RELL1: variants seen among roughly 807,000 people sequenced by gnomAD.
RELL1 encodes RELT like 1, also known as RELT-like protein 1.
Under a neutral mutation model 23.0 loss-of-function variants are expected in RELL1, and 10 were observed. The ratio of observed to expected loss-of-function variants is 0.43; its 90% CI spans 0.27 to 0.74. RELL1 has a LOEUF of 0.74. RELL1 is among the 30% of genes least tolerant of loss of function. The pLI is 0.19. For missense variants in RELL1, 315 were observed against 364.4 expected (o/e 0.86, Z 1.10); for synonymous variants, 146 against 146.8 (o/e 0.99, Z 0.04).
chr4:37,586,859 G>A (rs896682574), downstream of RELL1, among the ~76,000 whole-genome samples: 12 of 152,264 alleles, frequency 7.9e-5, no homozygotes, highest in African/African-American at 2.6e-4. Flanking sequence ...GCAGCGAGCC[G>A]AGATTGTGCC....
intron 3 of RELL1, among the ~76,000 whole-genome samples, chr4:37,645,466 G>A (rs750055234): frequency 9.2e-5 from 14 of 152,172 alleles, no homozygotes; most frequent in Admixed American, 2.0e-4. Flanking sequence ...GTGCCCTGAA[G>A]GAAGGTCTCT....
At chr4:37,685,501 G>T (rs1352828559) in intron 1 of RELL1, among the ~76,000 whole-genome samples, 1 of 152,144 alleles carries the variant, frequency 6.6e-6, no homozygotes, top group Non-Finnish European at 1.5e-5. Context: ...CTTCATCGTT[G>T]GTGACACTTT....
At chr4:37,653,945 T>C (rs1721037057) in intron 1 of RELL1, among the ~76,000 whole-genome samples, 1 of 152,226 alleles carries the variant, frequency 6.6e-6, no homozygotes, top group Admixed American at 6.5e-5. Flanking sequence ...CTGTCTCTGA[T>C]GAACCCTGCC....
chr4:37,668,228 C>T (rs1721607370), intron 1 of RELL1, among the ~76,000 whole-genome samples: 3 of 145,086 alleles, frequency 2.1e-5, no homozygotes, highest in Admixed American at 1.4e-4. Context: ...CTCCCCCTCT[C>T]CCTCTCCCCT....
intron 1 of RELL1, 45 bp from the exon 2 acceptor site, chr4:37,649,545 C>G: frequency 2.6e-6 from 4 of 1,518,246 alleles, no homozygotes; most frequent in Non-Finnish European, 3.6e-6. Flanking sequence ...CTGTCCAGGG[C>G]AAGAAAAACC....
At chr4:37,628,944 A>C (rs1408297207) in intron 6 of RELL1, among the ~76,000 whole-genome samples, 2 of 152,204 alleles carry the variant, frequency 1.3e-5, no homozygotes, top group African/African-American at 4.8e-5. Flanking sequence ...AATCAGAATC[A>C]GACAGATTCG....
chr4:37,634,412 G>A (rs1158719326), intron 5 of RELL1, among the ~76,000 whole-genome samples: 1 of 152,174 alleles, frequency 6.6e-6, no homozygotes, highest in Non-Finnish European at 1.5e-5. Flanking sequence ...TGGAGTGTGA[G>A]TCAAAATGAT....
At chr4:37,600,828 A>G (rs1246568748) in intron 6 of RELL1, among the ~76,000 whole-genome samples, 1 of 146,806 alleles carries the variant, frequency 6.8e-6, no homozygotes, top group Non-Finnish European at 1.5e-5. Context: ...GATTTGGTCA[A>G]CACTAATATT....
intron 1 of RELL1, among the ~76,000 whole-genome samples, chr4:37,664,802 G>A (rs766841382): frequency 1.3e-5 from 2 of 151,884 alleles, no homozygotes; most frequent in Non-Finnish European, 2.9e-5. Flanking sequence ...GATATCACTG[G>A]GTCGAGGCAG....
chr4:37,646,350 T>G (rs556671482), intron 3 of RELL1, among the ~76,000 whole-genome samples: 6 of 152,346 alleles, frequency 3.9e-5, no homozygotes, highest in African/African-American at 1.4e-4. Context: ...TTCATAAAAG[T>G]TCAACTTTGT....
rs1483293891 is a variant in RELL1, at chr4:37,604,900, G to GACAC, written c.*4-13687_*4-13684dup. 2.0e-4 allele frequency among the ~76,000 whole-genome samples: 13 copies of GACAC among 65,638 alleles called. 1 individual carries two copies. The highest frequency in any genetic ancestry group is 8.2e-4 in the African/African-American group (10 of 12,228). 43.1% of individuals were successfully genotyped at this position (65,638 alleles called of 152,430 possible). A position where few individuals can be genotyped will look rare whatever the true frequency, so the allele number is the denominator to read the frequency against. On this transcript the variant is annotated intron_variant, in intron 6 of 6. Transcript: ENST00000314117. The stretch of plus-strand genomic sequence containing the variant: ...ACACATACACACAGACACACACACA[G>GACAC]ACACACACACACACACACAGACACA...
At chr4:37,589,806 A>G (rs890588444), downstream of RELL1, among the ~76,000 whole-genome samples, 3 of 152,122 alleles carry the variant, frequency 2.0e-5, no homozygotes, top group Admixed American at 6.5e-5. Flanking sequence ...TAATTTTTGT[A>G]TTTTTAGTAA....
At chr4:37,668,641 G>A (rs1316742016) in intron 1 of RELL1, among the ~76,000 whole-genome samples, 1 of 150,862 alleles carries the variant, frequency 6.6e-6, no homozygotes, top group Non-Finnish European at 1.5e-5. Context: ...CCGCCACCCC[G>A]TCTGGGAAGT....
chr4:37,645,548 T>C (rs13126479), intron 3 of RELL1, among the ~76,000 whole-genome samples: 22,960 of 152,204 alleles, frequency 0.15, 1,973 homozygotes, highest in East Asian at 0.25. Context: ...GTAAGTTTGG[T>C]TGTCTGACTT....
chr4:37,628,588 G>A (rs760274991), intron 6 of RELL1, among the ~76,000 whole-genome samples: 5 of 152,074 alleles, frequency 3.3e-5, no homozygotes, highest in South Asian at 2.1e-4. Flanking sequence ...TTGGAGGCTC[G>A]GAAAACACGT....
chr4:37,624,812 T>C (rs757952882), intron 6 of RELL1, among the ~76,000 whole-genome samples: 6 of 152,296 alleles, frequency 3.9e-5, no homozygotes, highest in Non-Finnish European at 5.9e-5. Context: ...ACTATCTATT[T>C]CTGAGATGTC....
At chr4:37,609,782 A>G (rs1719318615), downstream of RELL1, among the ~76,000 whole-genome samples, 1 of 152,366 alleles carries the variant, frequency 6.6e-6, no homozygotes, top group East Asian at 1.9e-4. Flanking sequence ...AGTGAGCATG[A>G]AGATTGAACT....
chr4:37,599,405 G>C (rs533033860), intron 6 of RELL1, among the ~76,000 whole-genome samples: 2 of 152,198 alleles, frequency 1.3e-5, no homozygotes, highest in African/African-American at 2.4e-5. Flanking sequence ...GAAGAGTACA[G>C]GGTGAAGTCA....
At chr4:37,596,752 T>A (rs1203154450) in intron 6 of RELL1, among the ~76,000 whole-genome samples, 96 of 70,768 alleles carry the variant, frequency 1.4e-3, no homozygotes, top group African/African-American at 4.4e-3. Flanking sequence ...TTTTTTTTTT[T>A]TTTTTTTTTT....
Sources: gnomAD v4.1 joint callset for allele counts (sites outside exome capture counted in the v4.1 genomes callset) on GRCh38, gnomAD v4.1.1 for gene constraint, MANE v1.5 for transcripts, NCBI Gene and HGNC (gene_info 2026-07-23, HGNC 2026-07-21) for gene names.